Variants in PUS7 observed in about 807,000 individuals in gnomAD.
The protein encoded by PUS7 is pseudouridylate synthase 7 homolog.
PUS7 carries 48 observed loss-of-function variants against 79.8 expected under a neutral mutation model. That is an observed-to-expected ratio of 0.60 (90% confidence interval 0.48 to 0.76). PUS7 has a LOEUF of 0.76. PUS7 is among the 30% of genes least tolerant of loss of function. PUS7 has a pLI of 0.00. For synonymous variants in PUS7, 286 were observed against 272.2 expected (o/e 1.05, Z -0.50); for missense variants, 729 against 797.6 (o/e 0.91, Z 1.04).
chr7:105,462,504 A>G (rs1028631637), intron 14 of PUS7, 117 bp downstream of exon 14: 3 of 1,092,882 alleles, frequency 2.7e-6, no homozygotes, highest in Non-Finnish European at 4.0e-6. Flanking sequence ...ACCATCATAT[A>G]AGCAATCTGT....
At chr7:105,506,127 T>C in intron 3 of PUS7, 62 bp downstream of exon 3, 1 of 1,530,420 alleles carries the variant, frequency 6.5e-7, no homozygotes, top group Non-Finnish European at 8.8e-7. Flanking sequence ...TCTATATTTC[T>C]AAATCTCTAG....
chr7:105,480,504 T>C (rs911829835), intron 9 of PUS7, among the ~76,000 whole-genome samples: 14 of 151,802 alleles, frequency 9.2e-5, no homozygotes, highest in African/African-American at 3.4e-4. Flanking sequence ...TAGCTGGGTG[T>C]GGAGGCTCAT....
At chr7:105,470,056 T>A (rs1823811218) in intron 11 of PUS7, among the ~76,000 whole-genome samples, 1 of 152,222 alleles carries the variant, frequency 6.6e-6, no homozygotes, top group Non-Finnish European at 1.5e-5. Flanking sequence ...CTAACAGTGC[T>A]TTTTTCTCCC....
At chr7:105,499,975 C>T (rs935294986) in intron 5 of PUS7, among the ~76,000 whole-genome samples, 2 of 152,150 alleles carry the variant, frequency 1.3e-5, no homozygotes, top group African/African-American at 4.8e-5. Context: ...CTTTAGGCCA[C>T]TCTCAGCTTG....
intron 1 of PUS7, among the ~76,000 whole-genome samples, chr7:105,517,310 G>A (rs564317282): frequency 1.2e-4 from 19 of 152,060 alleles, no homozygotes; most frequent in Admixed American, 6.6e-4. Context: ...ACAGGCATGC[G>A]CCAACACGCC....
chr7:105,461,380 CTTCT>C (rs1823420385), intron 14 of PUS7, among the ~76,000 whole-genome samples: 1 of 152,066 alleles, frequency 6.6e-6, no homozygotes, highest in African/African-American at 2.4e-5. Flanking sequence ...TTCAAAACAG[CTTCT>C]TTATTTCTTT....
chr7:105,465,208 C>T, intron 13 of PUS7, 105 bp downstream of exon 13: 1 of 688,346 alleles, frequency 1.5e-6, no homozygotes, highest in South Asian at 2.2e-5. Flanking sequence ...GAATGCATCC[C>T]TTTCTGGGAG....
At chr7:105,484,283 C>T (rs887550610) in intron 7 of PUS7, among the ~76,000 whole-genome samples, 4 of 152,040 alleles carry the variant, frequency 2.6e-5, no homozygotes, top group Non-Finnish European at 5.9e-5. Flanking sequence ...TTGACTGAAA[C>T]TGTGTTTCTA....
chr7:105,480,002 T>TA (rs1217665459), intron 9 of PUS7, among the ~76,000 whole-genome samples: 1 of 150,210 alleles, frequency 6.7e-6, no homozygotes, highest in Non-Finnish European at 1.5e-5. Context: ...TCTCAAAAAA[T>TA]AAAAATAAAA....
intron 7 of PUS7, among the ~76,000 whole-genome samples, chr7:105,488,047 A>G (rs1490629188): frequency 6.6e-6 from 1 of 152,160 alleles, no homozygotes; most frequent in Non-Finnish European, 1.5e-5. Context: ...TATCCGTGAG[A>G]TAAGTGCTGT....
chr7:105,519,149 C>T (rs1469147533), intron 1 of PUS7, among the ~76,000 whole-genome samples: 1 of 152,134 alleles, frequency 6.6e-6, no homozygotes, highest in African/African-American at 2.4e-5. Flanking sequence ...ATACATCTTT[C>T]CTCCATCCCC....
Position 105,491,573 on chromosome 7 carries a change from C to A in PUS7, c.887G>T (p.Arg296Met), listed in dbSNP as rs1405191327. Residue 296 changes from arginine to methionine, a missense_variant, in exon 7 of 16, where the codon AGG (arginine) becomes ATG (methionine). Arg to Met is a moderately conservative substitution (Grantham distance 91, BLOSUM62 -1). Coordinates refer to ENST00000469408, the MANE Select transcript of PUS7 (RefSeq NM_019042.5). ...IFSYMGTKDK[R>M]AITVQEIAVL... is the part of the protein sequence containing the mutation. ...AGCAATTTCTTGAACTGTTATAGCC[C>A]TTTTATCTTTGGTTCCCATGTAGGA... The A allele has an allele frequency of 3.1e-6, 5 of 1,602,674 alleles. No homozygotes were observed. The South Asian group carries it at 5.5e-5, about 18-fold the overall frequency.
rs1005224089 is a variant in PUS7, at chr7:105,508,095, T to C, written c.398+20A>G. 3.8e-6 allele frequency: 6 copies of C among 1,589,608 alleles called. No homozygotes were observed. Among genetic ancestry groups the C allele is most frequent in the Non-Finnish European group, 4.3e-6 (5 of 1,168,558 alleles). On this transcript the variant is annotated intron_variant, in intron 2 of 15. Coordinates refer to ENST00000469408, the MANE Select transcript of PUS7 (RefSeq NM_019042.5). The stretch of plus-strand genomic sequence containing the variant: ...AAACCTAATACAATCAAAATAACTT[T>C]ATTCATAAACTAAATGTACCTTTCT...
At chr7:105,467,034 G>GTTTTTT (rs56177512) in intron 12 of PUS7, among the ~76,000 whole-genome samples, 5 of 70,690 alleles carry the variant, frequency 7.1e-5, no homozygotes, top group East Asian at 6.4e-4. Flanking sequence ...AGTTTTTTCT[G>GTTTTTT]TTTTTTTTTT....
intron 7 of PUS7, among the ~76,000 whole-genome samples, chr7:105,485,916 T>C (rs1824527153): frequency 6.6e-6 from 1 of 151,972 alleles, no homozygotes. Flanking sequence ...AGCCTTAGCC[T>C]CCTGAGAAGC....
rs754710973 is a variant in PUS7, at chr7:105,457,818, G to A, written c.1958C>T (p.Thr653Met). The A allele has an allele frequency of 2.1e-5, 34 of 1,614,066 alleles. No homozygotes were observed. The highest frequency in any genetic ancestry group is 4.4e-5 in the South Asian group (4 of 91,076). ...GCGAAGCCAGGTTGTATTCAGCTGCGTCTGGTTCTTGATACTGGTATCCAT... is the reference window on the plus strand; with the variant it reads ...GCGAAGCCAGGTTGTATTCAGCTGCATCTGGTTCTTGATACTGGTATCCAT... ...LKMDTSIKNQ[T>M]QLNTTWLR The change falls in exon 16 of 16, where the codon ACG (threonine) becomes ATG (methionine). Residue 653 changes from threonine (T) to methionine (M), a missense_variant. By Grantham distance (81) the Thr-to-Met change is moderately conservative. Transcript: ENST00000469408.
At chr7:105,516,812 C>G (rs1462883507) in intron 1 of PUS7, among the ~76,000 whole-genome samples, 1 of 151,964 alleles carries the variant, frequency 6.6e-6, no homozygotes, top group African/African-American at 2.4e-5. Context: ...ATCTTATGAA[C>G]ATAGAAGAGG....
intron 1 of PUS7, among the ~76,000 whole-genome samples, chr7:105,519,934 G>A (rs999398964): frequency 3.9e-5 from 6 of 152,134 alleles, no homozygotes; most frequent in Non-Finnish European, 7.4e-5. Flanking sequence ...AAACTTAGTC[G>A]ACAGTATGAC....
intron 9 of PUS7, among the ~76,000 whole-genome samples, chr7:105,473,104 T>C (rs1586107232): frequency 6.6e-6 from 1 of 152,114 alleles, no homozygotes; most frequent in South Asian, 2.1e-4. Flanking sequence ...TCTTTACGTG[T>C]GAAAACTTGT....
Sources: allele counts gnomAD v4.1 joint callset (sites outside exome capture counted in the v4.1 genomes callset), GRCh38; gene constraint gnomAD v4.1.1; transcripts MANE v1.5; gene names NCBI Gene and HGNC (gene_info 2026-07-23, HGNC 2026-07-21).